Variants in HS6ST3 observed in about 807,000 individuals in gnomAD.
The protein encoded by HS6ST3 is heparan-sulfate 6-O-sulfotransferase 3.
Under a neutral mutation model 36.7 loss-of-function variants are expected in HS6ST3, and 12 were observed. That is an observed-to-expected ratio of 0.33 (90% CI 0.21 to 0.53). HS6ST3 has a LOEUF of 0.53. Ranked by LOEUF, HS6ST3 falls within the 20% of genes least tolerant of loss-of-function variation. The probability of loss-of-function intolerance (pLI) is 0.95; values close to 1 mark genes in which losing one functional copy is unlikely to be tolerated. For missense variants in HS6ST3, 584 were observed against 640.9 expected, an observed-to-expected ratio of 0.91 and a Z score of 0.96; for synonymous variants, 240 against 257.5, an observed-to-expected ratio of 0.93 and a Z score of 0.65.
At chr13:96,392,608 T>C (rs1003235993) in intron 1 of HS6ST3, among the ~76,000 whole-genome samples, 1 of 152,174 alleles carries the variant, frequency 6.6e-6, no homozygotes, top group Non-Finnish European at 1.5e-5. Context: ...GAAGTTGAAA[T>C]AGGGTTAGGA....
At chr13:96,196,151 G>T (rs1043185864) in intron 1 of HS6ST3, among the ~76,000 whole-genome samples, 4 of 152,032 alleles carry the variant, frequency 2.6e-5, no homozygotes, top group Non-Finnish European at 5.9e-5. Flanking sequence ...CACTGGGTCC[G>T]CACATCAACT....
intron 1 of HS6ST3, among the ~76,000 whole-genome samples, chr13:96,144,240 T>C (rs1019076618): frequency 5.9e-5 from 9 of 152,212 alleles, no homozygotes; most frequent in Admixed American, 2.6e-4. Flanking sequence ...CTGAGTGTTT[T>C]ATAGTTTACT....
intron 1 of HS6ST3, among the ~76,000 whole-genome samples, chr13:96,796,637 C>T (rs113645861): frequency 2.3e-4 from 35 of 152,106 alleles, no homozygotes; most frequent in South Asian, 1.0e-3. Context: ...TTTAAATTCA[C>T]GAAGTTTTGG....
chr13:96,571,914 C>A (rs2138962559), intron 1 of HS6ST3, among the ~76,000 whole-genome samples: 1 of 152,266 alleles, frequency 6.6e-6, no homozygotes, highest in African/African-American at 2.4e-5. Context: ...AAGTTTAAGT[C>A]CCCATTGCAC....
At chr13:96,709,084 G>C (rs2138459357) in intron 1 of HS6ST3, among the ~76,000 whole-genome samples, 1 of 152,230 alleles carries the variant, frequency 6.6e-6, no homozygotes, top group African/African-American at 2.4e-5. Context: ...CATGGGGGCA[G>C]TTTCTCCCAC....
At chr13:96,640,840 G>A (rs1488579553) in intron 1 of HS6ST3, among the ~76,000 whole-genome samples, 1 of 151,764 alleles carries the variant, frequency 6.6e-6, no homozygotes, top group African/African-American at 2.4e-5. Flanking sequence ...TATTGACTTT[G>A]TTGAAGATTT....
At chr13:96,130,996 C>G (rs936661582) in intron 1 of HS6ST3, among the ~76,000 whole-genome samples, 2 of 152,156 alleles carry the variant, frequency 1.3e-5, no homozygotes, top group African/African-American at 4.8e-5. Context: ...AACGCTGTTC[C>G]CTCCCACTAC....
intron 1 of HS6ST3, among the ~76,000 whole-genome samples, chr13:96,507,482 A>C (rs1207537704): frequency 6.6e-6 from 1 of 152,062 alleles, no homozygotes; most frequent in African/African-American, 2.4e-5. Flanking sequence ...CTAGGATCTC[A>C]CTCAGAATAA....
chr13:96,566,135 G>C (rs997101641), intron 1 of HS6ST3, among the ~76,000 whole-genome samples: 3 of 151,618 alleles, frequency 2.0e-5, no homozygotes, highest in Admixed American at 6.6e-5. Flanking sequence ...CAATGGAATG[G>C]GAGAGAAAAT....
chr13:96,508,436 T>C (rs927632165), intron 1 of HS6ST3, among the ~76,000 whole-genome samples: 1 of 152,096 alleles, frequency 6.6e-6, no homozygotes. Context: ...AGATGAATTA[T>C]ATAGTGGTGA....
intron 1 of HS6ST3, among the ~76,000 whole-genome samples, chr13:96,697,056 A>G (rs1219351613): frequency 6.6e-6 from 1 of 152,114 alleles, no homozygotes; most frequent in Non-Finnish European, 1.5e-5. Flanking sequence ...AATAACTATA[A>G]CTATTATATT....
intron 1 of HS6ST3, among the ~76,000 whole-genome samples, chr13:96,798,192 A>T (rs562333453): frequency 6.6e-6 from 1 of 152,130 alleles, no homozygotes; most frequent in South Asian, 2.1e-4. Flanking sequence ...TGGAGTTACC[A>T]TCCCTTCCCC....
intron 1 of HS6ST3, among the ~76,000 whole-genome samples, chr13:96,464,257 T>C (rs1272572094): frequency 6.6e-6 from 1 of 151,690 alleles, no homozygotes; most frequent in East Asian, 1.9e-4. Context: ...ACCCAGTTCC[T>C]GTTTTCTTAC....
At chr13:96,249,229 T>A (rs1180830800) in intron 1 of HS6ST3, among the ~76,000 whole-genome samples, 2 of 152,200 alleles carry the variant, frequency 1.3e-5, no homozygotes, top group Non-Finnish European at 2.9e-5. Context: ...ACTTCAAATA[T>A]AACATAGTAG....
intron 1 of HS6ST3, among the ~76,000 whole-genome samples, chr13:96,189,676 G>A (rs1291136923): frequency 1.3e-5 from 2 of 152,182 alleles, no homozygotes; most frequent in African/African-American, 4.8e-5. Flanking sequence ...CATGTTACTT[G>A]TGGCTGTGGA....
intron 1 of HS6ST3, among the ~76,000 whole-genome samples, chr13:96,532,432 G>A (rs149322777): frequency 1.3e-5 from 2 of 152,212 alleles, no homozygotes; most frequent in Admixed American, 6.5e-5. Flanking sequence ...TGAAACACTT[G>A]AGGTCTGGGG....
intron 1 of HS6ST3, among the ~76,000 whole-genome samples, chr13:96,571,441 C>A (rs112169636): frequency 6.6e-6 from 1 of 152,256 alleles, no homozygotes; most frequent in African/African-American, 2.4e-5. Flanking sequence ...AAGCAAACAG[C>A]AATAAAATAA....
intron 1 of HS6ST3, among the ~76,000 whole-genome samples, chr13:96,229,965 T>C (rs549746119): frequency 2.6e-5 from 4 of 152,288 alleles, no homozygotes; most frequent in African/African-American, 9.6e-5. Context: ...CCAAGAAGAA[T>C]ATTCTCTACA....
At chr13:96,671,887 T>A (rs1418936757) in intron 1 of HS6ST3, among the ~76,000 whole-genome samples, 1 of 152,126 alleles carries the variant, frequency 6.6e-6, no homozygotes, top group Non-Finnish European at 1.5e-5. Context: ...GAGTTATGAT[T>A]TATTCAATCT....
Sources: allele counts gnomAD v4.1 joint callset (sites outside exome capture counted in the v4.1 genomes callset), GRCh38; gene constraint gnomAD v4.1.1; transcripts MANE v1.5; gene names NCBI Gene and HGNC (gene_info 2026-07-23, HGNC 2026-07-21).